CNTN4: variants seen among roughly 807,000 people sequenced by gnomAD.
CNTN4 encodes contactin 4.
In CNTN4, 77 loss-of-function variants were observed where a neutral mutation model predicts 122.5. The observed-to-expected ratio is 0.63, with a 90% CI of 0.52 to 0.76. CNTN4 has a LOEUF of 0.76. CNTN4 is among the 30% of genes least tolerant of loss of function. CNTN4 has a pLI of 0.00. For synonymous variants in CNTN4, 512 were observed against 447.0 expected, an observed-to-expected ratio of 1.15 and a Z score of -1.83; for missense variants, 1,256 against 1,259.1, an observed-to-expected ratio of 1.00 and a Z score of 0.04.
intron 4 of CNTN4, among the ~76,000 whole-genome samples, chr3:2,600,817 A>G (rs1339437162): frequency 2.6e-5 from 4 of 152,084 alleles, no homozygotes. Context: ...AGTCCCACCA[A>G]CAGTGTAAAA....
At chr3:2,550,978 G>C (rs1262187723) in intron 3 of CNTN4, among the ~76,000 whole-genome samples, 1 of 152,042 alleles carries the variant, frequency 6.6e-6, no homozygotes, top group African/African-American at 2.4e-5. Context: ...TGGAGGGATA[G>C]CATTAGGAGA....
intron 2 of CNTN4, among the ~76,000 whole-genome samples, chr3:2,226,711 T>G (rs1321001836): frequency 6.6e-6 from 1 of 152,160 alleles, no homozygotes; most frequent in Non-Finnish European, 1.5e-5. Context: ...TAAAACTTTC[T>G]TTCTCACTGA....
chr3:2,171,930 G>A (rs2036534135), intron 2 of CNTN4, among the ~76,000 whole-genome samples: 1 of 152,184 alleles, frequency 6.6e-6, no homozygotes, highest in African/African-American at 2.4e-5. Context: ...CTAGGAACTT[G>A]TTAGAAACAG....
At chr3:2,128,875 A>G (rs942810937) in intron 2 of CNTN4, among the ~76,000 whole-genome samples, 5 of 152,228 alleles carry the variant, frequency 3.3e-5, no homozygotes, top group East Asian at 1.9e-4. Context: ...TGAGTGTCCT[A>G]TCAATGGAAA....
intron 6 of CNTN4, among the ~76,000 whole-genome samples, chr3:2,815,650 A>G (rs199751773): frequency 1.3e-5 from 2 of 152,172 alleles, no homozygotes; most frequent in Admixed American, 6.5e-5. Context: ...GCAAACTAGT[A>G]CAGCCACTAT....
intron 5 of CNTN4, among the ~76,000 whole-genome samples, chr3:2,742,865 T>C (rs1020530124): frequency 6.6e-6 from 1 of 152,174 alleles, no homozygotes; most frequent in Non-Finnish European, 1.5e-5. Context: ...TTCAGTGCAA[T>C]CCACATTCAA....
At chr3:2,677,649 T>C (rs1392617659) in intron 4 of CNTN4, among the ~76,000 whole-genome samples, 6 of 152,098 alleles carry the variant, frequency 3.9e-5, no homozygotes, top group Non-Finnish European at 8.8e-5. Context: ...CATTGTGAGT[T>C]TTTGTTTTAA....
chr3:2,567,207 C>T (rs773331262), intron 3 of CNTN4, among the ~76,000 whole-genome samples: 16 of 151,960 alleles, frequency 1.1e-4, no homozygotes, highest in African/African-American at 1.9e-4. Context: ...CTGCCTCAGC[C>T]TCCCTAGTAG....
intron 13 of CNTN4, among the ~76,000 whole-genome samples, chr3:2,938,851 G>T (rs890399056): frequency 6.6e-6 from 1 of 152,164 alleles, no homozygotes; most frequent in Admixed American, 6.5e-5. Flanking sequence ...AAATAGCTGT[G>T]TATCATCAAG....
intron 7 of CNTN4, among the ~76,000 whole-genome samples, chr3:2,855,226 A>G (rs1411010887): frequency 6.6e-6 from 1 of 152,186 alleles, no homozygotes. Context: ...CTGGACTGCC[A>G]TGTCATTGGC....
rs79380829 is a variant in CNTN4 at position 2,890,999 on chromosome 3, A to ATT, written c.940+3783_940+3784dup. ...AATACATTATTTACTTGTTTAACAA[A>ATT]TTTTTTTTTATTGCCTACCATGTGG... On this transcript the variant is annotated intron_variant, in intron 10 of 24. Coordinates refer to ENST00000418658, the MANE Select transcript of CNTN4 (RefSeq NM_175607.3). Among the ~76,000 whole-genome samples, 15 of 151,650 alleles carry ATT rather than the reference A, an allele frequency of 9.9e-5. No individual in the cohort carries two copies. The South Asian group carries it at 1.5e-3, about 15-fold the overall frequency.
At chr3:2,368,411 G>A (rs1035731336) in intron 3 of CNTN4, among the ~76,000 whole-genome samples, 2 of 152,088 alleles carry the variant, frequency 1.3e-5, no homozygotes, top group Non-Finnish European at 2.9e-5. Context: ...ATGTGGCTGT[G>A]TCTAGCCATT....
chr3:2,529,795 G>A (rs1441829887), intron 3 of CNTN4, among the ~76,000 whole-genome samples: 2 of 152,018 alleles, frequency 1.3e-5, no homozygotes, highest in Non-Finnish European at 2.9e-5. Context: ...AGGAGGAGGA[G>A]AAGGAAGAGG....
At chr3:2,675,911 C>G (rs1009270282) in intron 4 of CNTN4, among the ~76,000 whole-genome samples, 1 of 152,066 alleles carries the variant, frequency 6.6e-6, no homozygotes, top group Non-Finnish European at 1.5e-5. Flanking sequence ...CCTCCTTCTA[C>G]CAACAAGAAA....
In CNTN4 at chr3:3,057,931, T is replaced by C. The variant is rs1014100124; in HGVS notation, c.*1711T>C. The C allele has an allele frequency of 3.9e-5, 6 of 152,394 alleles. No homozygotes were observed. The highest frequency in any genetic ancestry group is 8.8e-5 in the Non-Finnish European group (6 of 68,032). 9.4% of individuals were successfully genotyped at this position (152,394 alleles called of 1,614,324 possible). A position where few individuals can be genotyped will look rare whatever the true frequency, so the allele number is the denominator to read the frequency against. The stretch of plus-strand genomic sequence containing the variant: ...GCATATGTAATCTTTTTTAAAGGTA[T>C]TGTTAATAAATATTCTGTCATTTGT... On this transcript the variant is annotated 3_prime_UTR_variant, in exon 25 of 25. Coordinates refer to ENST00000418658, the MANE Select transcript of CNTN4 (RefSeq NM_175607.3).
At chr3:2,622,547 A>C (rs868073541) in intron 4 of CNTN4, among the ~76,000 whole-genome samples, 6 of 152,140 alleles carry the variant, frequency 3.9e-5, no homozygotes, top group Non-Finnish European at 4.4e-5. Flanking sequence ...GCTTGCTGGG[A>C]TTACAGGTGT....
intron 2 of CNTN4, among the ~76,000 whole-genome samples, chr3:2,303,925 A>G (rs902231332): frequency 3.3e-5 from 5 of 152,178 alleles, no homozygotes; most frequent in African/African-American, 1.2e-4. Context: ...TGTAAACGGT[A>G]TATTTTGTGT....
chr3:2,748,206 AT>A (rs964930022), intron 6 of CNTN4, among the ~76,000 whole-genome samples: 4 of 152,214 alleles, frequency 2.6e-5, no homozygotes, highest in African/African-American at 9.6e-5. Flanking sequence ...TTTAATCTTC[AT>A]TTTTAAGTAC....
intron 7 of CNTN4, among the ~76,000 whole-genome samples, chr3:2,851,960 T>C (rs545160407): frequency 6.6e-6 from 1 of 152,360 alleles, no homozygotes; most frequent in South Asian, 2.1e-4. Flanking sequence ...TGCTTTCAGC[T>C]ATAATCTGTA....
Sources: allele counts gnomAD v4.1 joint callset (sites outside exome capture counted in the v4.1 genomes callset), GRCh38; gene constraint gnomAD v4.1.1; transcripts MANE v1.5; gene names NCBI Gene and HGNC (gene_info 2026-07-23, HGNC 2026-07-21).